Variants in SCRIB observed in about 807,000 individuals in gnomAD.
SCRIB encodes scribble planar cell polarity protein.
A neutral mutation model predicts 170.0 loss-of-function variants in SCRIB; 72 were observed. The ratio of observed to expected loss-of-function variants is 0.42; its 90% CI spans 0.35 to 0.52. The LOEUF is 0.52. Among genes scored for constraint, SCRIB ranks in the 20% least tolerant of loss-of-function variants. The pLI, the probability that SCRIB is intolerant of heterozygous loss-of-function variation, is 0.02. For missense variants in SCRIB, 2,475 were observed against 2,338.5 expected (o/e 1.06, Z -1.20); for synonymous variants, 1,298 against 1,044.3 (o/e 1.24, Z -4.68).
rs1554633432 is a variant in SCRIB, at chr8:143,793,355, TG to T, written c.3910-273del. ...CCTGGTTTTGTCTAAAAAAGGCAGG[TG>T]GGGGCGGCGGGGGCAGAGGAGAGCA... On this transcript the variant is annotated intron_variant, in intron 28 of 36. Coordinates refer to ENST00000356994, the MANE Select transcript of SCRIB (RefSeq NM_182706.5). The T allele has an allele frequency of 4.0e-5, 11 of 274,908 alleles. No individual in the cohort carries two copies. In the South Asian group the frequency reaches 1.6e-3, roughly 40 times the overall value. 17.0% of individuals were successfully genotyped at this position (274,908 alleles called of 1,614,324 possible).
At chr8:143,801,959 C>G (rs1166440988) in intron 24 of SCRIB, among the ~76,000 whole-genome samples, 3 of 152,210 alleles carry the variant, frequency 2.0e-5, no homozygotes, top group African/African-American at 7.2e-5. Flanking sequence ...CAGCGCGGCA[C>G]GCCGGCTGCA....
rs782438335 is a variant in SCRIB at position 143,792,700 on chromosome 8, C to A, written c.4177+8G>T. Reference sequence around the variant, plus strand: ...ACCCAACCCCCACCCCACTTCCGTGCCCCTCACCTTCCTCCTCCTGCATCT... The same window carrying A: ...ACCCAACCCCCACCCCACTTCCGTGACCCTCACCTTCCTCCTCCTGCATCT... On this transcript the variant is annotated splice_region_variant and intron_variant, in intron 30 of 36. Transcript: ENST00000356994. The A allele has an allele frequency of 1.3e-6, 2 of 1,587,310 alleles. No homozygotes were observed. Among genetic ancestry groups the A allele is most frequent in the Admixed American group, 1.7e-5 (1 of 57,978 alleles).
At chr8:143,804,188 T>C in intron 21 of SCRIB, 32 bp from the exon 22 acceptor site, 3 of 1,517,820 alleles carry the variant, frequency 2.0e-6, no homozygotes, top group Non-Finnish European at 2.7e-6. Context: ...AGGACAGGCC[T>C]CGGTCAGGAC....
Position 143,812,884 on chromosome 8 carries a change from G to A in SCRIB, c.720C>T (p.Gly240=), listed in dbSNP as rs200348011. The change falls in exon 8 of 37, where the codon GGC becomes GGT. Residue 240 remains glycine, a synonymous_variant. Transcript: ENST00000356994. ...GCAGGTCAGTGAGCAGCACCAGCCC[G>A]CCGAGCTCAGCAGGCAGCTCCTCCA... ...NRLEELPAEL[G]GLVLLTDLLL... is the part of the protein sequence containing the mutation. 49 of 1,609,580 alleles carry A rather than the reference G, an allele frequency of 3.0e-5. No homozygotes were observed. Among genetic ancestry groups the A allele is most frequent in the African/African-American group, 1.7e-4 (13 of 74,930 alleles).
At chr8:143,802,831 AGT>A (rs1554635230) in intron 24 of SCRIB, among the ~76,000 whole-genome samples, 2 of 152,220 alleles carry the variant, frequency 1.3e-5, no homozygotes, top group African/African-American at 2.4e-5. Context: ...TCTGCTCTGG[AGT>A]CCAGGAAGGG....
rs782527183 is a variant in SCRIB at position 143,803,488 on chromosome 8, C to T, written c.3498G>A (p.Leu1166=). ...GCACCGCCTCGCCGTGCGTCAGGCC[C>T]AGCAGGCTCTGCTGGTTCACCTCCA... ...RLLEVNQQSL[L]GLTHGEAVQL... The change falls in exon 24 of 37, where the codon CTG becomes CTA. Residue 1166 remains leucine (L), a synonymous_variant. Coordinates refer to ENST00000356994, the MANE Select transcript of SCRIB (RefSeq NM_182706.5). The T allele has an allele frequency of 7.5e-6, 12 of 1,601,490 alleles. No homozygotes were observed. The highest frequency in any genetic ancestry group is 5.0e-5 in the Admixed American group (3 of 59,902).
intron 24 of SCRIB, among the ~76,000 whole-genome samples, chr8:143,801,184 C>A (rs1815158121): frequency 6.6e-6 from 1 of 152,240 alleles, no homozygotes; most frequent in Admixed American, 6.5e-5. Context: ...GGGGAAGCGA[C>A]AGACTGTTCA....
intron 9 of SCRIB, 128 bp downstream of exon 9, chr8:143,812,138 G>A (rs1334207385): frequency 6.7e-6 from 5 of 746,284 alleles, no homozygotes; most frequent in Admixed American, 5.2e-5. Flanking sequence ...CAAGAGAAGA[G>A]CCCTTCCTGA....
intron 14 of SCRIB, 143 bp downstream of exon 14, chr8:143,809,408 C>T (rs1221439886): frequency 7.3e-6 from 7 of 952,594 alleles, no homozygotes; most frequent in African/African-American, 1.6e-5. Context: ...CACCCGTAGC[C>T]ACTCTGTACA....
chr8:143,808,858 G>A lies in SCRIB; in HGVS notation c.1866C>T (p.Pro622=), dbSNP rs763830940. Residue 622 remains proline, a synonymous_variant, in exon 15 of 37, where the codon CCC becomes CCT. Transcript: ENST00000356994. ...KHFKISKLPQ[P]EAVVALLQGM... is the part of the protein sequence containing the mutation. The stretch of plus-strand genomic sequence containing the variant: ...CCTGCAGCAGAGCCACAACGGCCTC[G>A]GGCTGGGGCAGCTTGGAGATCTTGA... The A allele has an allele frequency of 4.0e-5, 65 of 1,610,410 alleles. No homozygotes were observed. The highest frequency in any genetic ancestry group is 1.6e-4 in the Middle Eastern group (1 of 6,084).
In SCRIB at chr8:143,806,494, A is replaced by G. The variant is rs781982609; in HGVS notation, c.2269-10T>C. 6.3e-7 allele frequency: 1 copy of G among 1,584,622 alleles called. No homozygotes were observed. Among genetic ancestry groups the G allele is most frequent in the Admixed American group, 1.8e-5 (1 of 57,036 alleles). ...GAGAGATGAATATGCCCTAGGGCACAGACACGAGCTTGGCAGGGGCCAGGG... is the reference window on the plus strand; with the variant it reads ...GAGAGATGAATATGCCCTAGGGCACGGACACGAGCTTGGCAGGGGCCAGGG... On this transcript the variant is annotated splice_polypyrimidine_tract_variant and intron_variant, in intron 17 of 36. Transcript: ENST00000356994.
In SCRIB at chr8:143,812,307, C is replaced by T. The variant is rs1424323432; in HGVS notation, c.865G>A (p.Glu289Lys). The T allele has an allele frequency of 6.2e-7, 1 of 1,613,670 alleles. No individual in the cohort carries two copies. Among genetic ancestry groups the T allele is most frequent in the African/African-American group, 1.3e-5 (1 of 75,038 alleles). The change falls in exon 9 of 37, where the codon GAG (glutamate) becomes AAG (lysine). Residue 289 changes from glutamate to lysine, a missense_variant. Transcript: ENST00000356994. ...GTGAGGATCAGCTCAGAGAGGTTCT[C>T]ACAGTCCCCGATGGCCTCGGTCACC... is the stretch of plus-strand genomic sequence containing the variant. ...CEVTEAIGDC[E>K]NLSELILTEN... is the part of the protein sequence containing the mutation.
At chr8:143,801,638 G>A (rs890518879) in intron 24 of SCRIB, among the ~76,000 whole-genome samples, 1 of 152,238 alleles carries the variant, frequency 6.6e-6, no homozygotes, top group Non-Finnish European at 1.5e-5. Context: ...AAGCCAGGGT[G>A]ACAACGGAGA....
In SCRIB at chr8:143,792,788, C is replaced by T. The variant is rs782177309; in HGVS notation, c.4097G>A (p.Arg1366His). 50 of 1,578,146 alleles carry T rather than the reference C, an allele frequency of 3.2e-5. 1 individual carries two copies. Among genetic ancestry groups the T allele is most frequent in the Middle Eastern group, 3.4e-4 (2 of 5,908 alleles). ...ERQKYFELEVRVPQAEGPPKR... is the reference protein window; with the variant it reads ...ERQKYFELEVHVPQAEGPPKR... ...AGGGGGGCCCTCGGCCTGGGGCACG[C>T]GCACCTCCAGCTCAAAGTACTTCTG... is the stretch of plus-strand genomic sequence containing the variant. The change falls in exon 30 of 37, where the codon CGC becomes CAC. Residue 1366 changes from arginine to histidine, a missense_variant. Coordinates refer to ENST00000356994, the MANE Select transcript of SCRIB (RefSeq NM_182706.5).
intron 24 of SCRIB, 113 bp from the exon 25 acceptor site, chr8:143,795,643 G>A (rs563069563): frequency 5.1e-5 from 47 of 925,486 alleles, no homozygotes; most frequent in Admixed American, 4.1e-4. Context: ...CAGGAGCCGC[G>A]TCCCTGGGCA....
At chr8:143,814,308 A>C (rs1159783756) in intron 1 of SCRIB, among the ~76,000 whole-genome samples, 190 bp from the exon 2 acceptor site, 2 of 152,108 alleles carry the variant, frequency 1.3e-5, no homozygotes, top group Non-Finnish European at 2.9e-5. Flanking sequence ...ACACACGCCC[A>C]CTGTGGCTGC....
chr8:143,794,126 G>A, intron 27 of SCRIB, 164 bp from the exon 28 acceptor site: 1 of 635,798 alleles, frequency 1.6e-6, no homozygotes, highest in South Asian at 2.0e-5. Flanking sequence ...AGCACGGAGG[G>A]GCTCGTCCCC....
In SCRIB at chr8:143,804,991, G is replaced by A. The variant is rs782361081; in HGVS notation, c.2694C>T (p.Ala898=). ...GDAGIFVSRI[A]EGGAAHRAGT... ...CCGCGCGGTGAGCAGCACCGCCCTC[G>A]GCAATGCGGGAGACGAAGATGCCCT... The change falls in exon 20 of 37, where the codon GCC becomes GCT. Residue 898 remains alanine (A), a synonymous_variant. Transcript: ENST00000356994. 24 of 1,585,824 alleles carry A rather than the reference G, an allele frequency of 1.5e-5. No individual in the cohort carries two copies. The highest frequency in any genetic ancestry group is 5.7e-5 in the South Asian group (5 of 87,552).
rs767350782 is a variant in SCRIB, at chr8:143,809,571, C to T, written c.1678G>A (p.Ala560Thr). Residue 560 changes from alanine (A) to threonine (T), a missense_variant, in exon 14 of 37, where the codon GCC becomes ACC. Ala to Thr is a moderately conservative substitution (Grantham distance 58). Coordinates refer to ENST00000356994, the MANE Select transcript of SCRIB (RefSeq NM_182706.5). ...CACACCTCCTGGTAGTCCTCTTCGG[C>T]GTCTTCCTCCCCGCCAGCAGTCGTG... ...EATTAGGEED[A>T]EEDYQEPTVH... 10 of 1,611,252 alleles carry T rather than the reference C, an allele frequency of 6.2e-6. No homozygotes were observed. Among genetic ancestry groups the T allele is most frequent in the Admixed American group, 5.0e-5 (3 of 59,986 alleles).
Sources: allele counts gnomAD v4.1 joint callset (sites outside exome capture counted in the v4.1 genomes callset), GRCh38; gene constraint gnomAD v4.1.1; transcripts MANE v1.5; gene names NCBI Gene and HGNC (gene_info 2026-07-23, HGNC 2026-07-21).